The following PLCG2 variants were observed in gnomAD, a reference collection of about 807,000 sequenced individuals.
The protein encoded by PLCG2 is 1-phosphatidylinositol 4,5-bisphosphate phosphodiesterase gamma-2.
A neutral mutation model predicts 175.6 loss-of-function variants in PLCG2; 69 were observed. The ratio of observed to expected loss-of-function variants is 0.39; its 90% CI spans 0.32 to 0.48. PLCG2 has a LOEUF of 0.48. Among genes scored for constraint, PLCG2 ranks in the 20% least tolerant of loss-of-function variants. The probability of loss-of-function intolerance (pLI) is 0.91; values close to 1 mark genes in which losing one functional copy is unlikely to be tolerated. For missense variants in PLCG2, 1,798 were observed against 1,650.9 expected (o/e 1.09, Z -1.54); for synonymous variants, 827 against 624.0 (o/e 1.33, Z -4.85).
intron 26 of PLCG2, chr16:81,935,620 T>G: frequency 1.0e-6 from 1 of 985,366 alleles, no homozygotes. Context: ...CTTCAGGGAC[T>G]CAGCAGGCTC....
chr16:81,775,451 G>T (rs574401685), upstream of PLCG2, among the ~76,000 whole-genome samples: 34 of 152,290 alleles, frequency 2.2e-4, no homozygotes, highest in Admixed American at 2.2e-3. Flanking sequence ...TTCACAGGAG[G>T]TCTTCTTCTT....
chr16:81,921,222 G>A lies in PLCG2; in HGVS notation c.2260G>A (p.Asp754Asn). 2.5e-6 allele frequency: 4 copies of A among 1,604,076 alleles called. No individual in the cohort carries two copies. Among genetic ancestry groups the A allele is most frequent in the Non-Finnish European group, 3.4e-6 (4 of 1,171,326 alleles). Residue 754 changes from aspartate (D) to asparagine (N), a missense_variant, in exon 21 of 33, where the codon GAC becomes AAC. Physicochemically the swap from Asp to Asn is conservative, Grantham distance 23. Transcript: ENST00000564138. ...GGAAAGAGATATAAACTCCCTCTAC[G>A]ACGTCAGCAGAATGTATGTGGATCC... Reference protein sequence around the residue: ...NMERDINSLYDVSRMYVDPSE... With the variant: ...NMERDINSLYNVSRMYVDPSE...
intron 9 of PLCG2, among the ~76,000 whole-genome samples, chr16:81,887,910 C>T (rs1293791861): frequency 1.3e-5 from 2 of 152,220 alleles, no homozygotes; most frequent in Non-Finnish European, 2.9e-5. Context: ...GACTGTGCAG[C>T]AGCTGCTTTG....
intron 2 of PLCG2, among the ~76,000 whole-genome samples, chr16:81,819,451 G>C (rs1038777624): frequency 1.3e-5 from 2 of 152,206 alleles, no homozygotes; most frequent in African/African-American, 2.4e-5. Flanking sequence ...GGGGCACCCA[G>C]GAAGCCTGAG....
upstream of PLCG2, among the ~76,000 whole-genome samples, chr16:81,776,094 TTTCTTTTTTTCC>T (rs1166527952): frequency 6.4e-5 from 3 of 46,892 alleles, no homozygotes; most frequent in Non-Finnish European, 1.6e-4. Flanking sequence ...TCTCTCTTTC[TTTCTTTTTTTCC>T]TTCTTTCTTT....
At chr16:81,764,552 G>T (rs537502469) in intron 2 of PLCG2, among the ~76,000 whole-genome samples, 8 of 152,302 alleles carry the variant, frequency 5.3e-5, no homozygotes, top group African/African-American at 1.9e-4. Flanking sequence ...CCCCGTGCAG[G>T]TCTCACCCTC....
At chr16:81,758,155 T>C (rs1909967396) in intron 2 of PLCG2, among the ~76,000 whole-genome samples, 1 of 152,068 alleles carries the variant, frequency 6.6e-6, no homozygotes, top group African/African-American at 2.4e-5. Context: ...TTTTGTATTA[T>C]TTTGCAGAGA....
chr16:81,883,487 G>A (rs975378464), intron 9 of PLCG2, 146 bp downstream of exon 9: 24 of 644,462 alleles, frequency 3.7e-5, no homozygotes, highest in Admixed American at 2.9e-4. Flanking sequence ...TTCATGGAAC[G>A]ATTGCAGTCT....
intron 2 of PLCG2, among the ~76,000 whole-genome samples, chr16:81,836,040 C>A (rs1213084772): frequency 6.6e-6 from 1 of 152,176 alleles, no homozygotes; most frequent in Non-Finnish European, 1.5e-5. Flanking sequence ...AGGGACTGGA[C>A]TTCTATGTAT....
chr16:81,923,854 A>G (rs1406678840), intron 22 of PLCG2, among the ~76,000 whole-genome samples: 1 of 152,220 alleles, frequency 6.6e-6, no homozygotes. Flanking sequence ...GCTACCATTT[A>G]TTGAAGTCTT....
chr16:81,876,703 C>G lies in PLCG2; in HGVS notation c.649-4207C>G, dbSNP rs146218455. Among the ~76,000 whole-genome samples, 204 of 152,360 alleles carry G rather than the reference C, an allele frequency of 1.3e-3. No individual in the cohort carries two copies. The Middle Eastern group carries it at 0.027, about 20-fold the overall frequency. ...AATACAGCTGTTTCTCCTGACCTCA[C>G]TGGCCCTTTGCTGGGGTGGGAAGGT... On this transcript the variant is annotated intron_variant, in intron 7 of 32. Transcript: ENST00000564138.
chr16:81,797,981 C>A (rs559323869), intron 2 of PLCG2, among the ~76,000 whole-genome samples: 2 of 152,180 alleles, frequency 1.3e-5, no homozygotes, highest in African/African-American at 4.8e-5. Context: ...CAGGTACCCT[C>A]CACCTCACCT....
At chr16:81,745,141 G>C (rs576523704) in intron 1 of PLCG2, among the ~76,000 whole-genome samples, 3 of 152,210 alleles carry the variant, frequency 2.0e-5, no homozygotes, top group Admixed American at 6.5e-5. Context: ...GGTCACTGCA[G>C]GGCTGAACTA....
chr16:81,811,130 C>A (rs778684122), intron 2 of PLCG2, among the ~76,000 whole-genome samples: 1 of 152,154 alleles, frequency 6.6e-6, no homozygotes. Context: ...TATGGCACCA[C>A]GTATGACAGC....
intron 31 of PLCG2, among the ~76,000 whole-genome samples, chr16:81,949,562 A>G (rs1567547000): frequency 6.6e-6 from 1 of 152,188 alleles, no homozygotes; most frequent in Non-Finnish European, 1.5e-5. Context: ...TAGATATATC[A>G]TGTATCCTAC....
At chr16:81,881,842 G>T (rs777241487) in intron 8 of PLCG2, among the ~76,000 whole-genome samples, 1 of 151,792 alleles carries the variant, frequency 6.6e-6, no homozygotes, top group African/African-American at 2.4e-5. Context: ...GGTAGAGATG[G>T]GGTTTCACCA....
At chr16:81,799,842 C>T (rs779390825) in intron 2 of PLCG2, among the ~76,000 whole-genome samples, 1 of 152,154 alleles carries the variant, frequency 6.6e-6, no homozygotes, top group African/African-American at 2.4e-5. Flanking sequence ...ATCCTCCCAC[C>T]TTGGCCTCCT....
intron 4 of PLCG2, 43 bp from the exon 5 acceptor site, chr16:81,859,073 A>G (rs967406508): frequency 1.9e-5 from 24 of 1,269,824 alleles, no homozygotes; most frequent in Non-Finnish European, 2.8e-5. Context: ...CTATTTTCTA[A>G]TTTTCTCTTT....
chr16:81,889,582 G>C (rs1908536262), intron 10 of PLCG2, among the ~76,000 whole-genome samples: 1 of 152,040 alleles, frequency 6.6e-6, no homozygotes, highest in Admixed American at 6.6e-5. Flanking sequence ...TGGGAGACTG[G>C]AGTTTTATTA....
Sources: gnomAD v4.1 joint callset for allele counts (sites outside exome capture counted in the v4.1 genomes callset) on GRCh38, gnomAD v4.1.1 for gene constraint, MANE v1.5 for transcripts, NCBI Gene and HGNC (gene_info 2026-07-23, HGNC 2026-07-21) for gene names.